Variants in ZNF821 observed in about 807,000 individuals in gnomAD.
The protein encoded by ZNF821 is zinc finger protein 821.
In ZNF821, 16 loss-of-function variants were observed where a neutral mutation model predicts 44.3. The observed-to-expected ratio is 0.36, with a 90% confidence interval of 0.24 to 0.55. The LOEUF is 0.55. Ranked by LOEUF, ZNF821 falls within the 20% of genes least tolerant of loss-of-function variation. The pLI is 0.86. For synonymous variants in ZNF821, 204 were observed against 197.6 expected (o/e 1.03, Z -0.27); for missense variants, 436 against 547.6 (o/e 0.80, Z 2.03).
intron 2 of ZNF821, 111 bp from the exon 3 acceptor site, chr16:71,880,134 G>C (rs1211025502): frequency 2.1e-6 from 1 of 469,700 alleles, no homozygotes; most frequent in Non-Finnish European, 3.8e-6. Flanking sequence ...AAACTCACCA[G>C]TTATAAATAA....
intron 3 of ZNF821, among the ~76,000 whole-genome samples, chr16:71,869,888 C>T (rs927960750): frequency 1.4e-4 from 22 of 152,284 alleles, no homozygotes; most frequent in Admixed American, 6.5e-5. Context: ...CCCCCTACCT[C>T]GACCTCCTAA....
exon 1 of ZNF821, chr16:71,895,060 G>C (rs1417879767): frequency 6.5e-6 from 3 of 461,300 alleles, no homozygotes; most frequent in Non-Finnish European, 1.2e-5. Context: ...TGAAGAGTCA[G>C]GGATACGCAG....
At chr16:71,880,061 T>C (rs1226183817) in intron 2 of ZNF821, 38 bp from the exon 3 acceptor site, 2 of 950,934 alleles carry the variant, frequency 2.1e-6, no homozygotes, top group East Asian at 5.5e-5. Context: ...CATGTCATTT[T>C]CCCCAGCAGT....
At chr16:71,862,450 A>G (rs1392450467) in intron 6 of ZNF821, among the ~76,000 whole-genome samples, 2 of 152,076 alleles carry the variant, frequency 1.3e-5, no homozygotes, top group East Asian at 3.9e-4. Context: ...ACTCCAGCCT[A>G]GGTAATACAG....
chr16:71,892,408 A>T (rs1192595286), intron 1 of ZNF821, among the ~76,000 whole-genome samples: 1 of 148,766 alleles, frequency 6.7e-6, no homozygotes. Flanking sequence ...CTGGGACTAC[A>T]GGCGCCCGCC....
At chr16:71,874,882 T>C (rs908356452) in intron 3 of ZNF821, among the ~76,000 whole-genome samples, 1 of 152,248 alleles carries the variant, frequency 6.6e-6, no homozygotes, top group African/African-American at 2.4e-5. Context: ...CTTGCCACTA[T>C]TGCCATACGC....
At chr16:71,871,226 G>A (rs185260509) in intron 3 of ZNF821, among the ~76,000 whole-genome samples, 11 of 152,230 alleles carry the variant, frequency 7.2e-5, no homozygotes, top group Admixed American at 6.5e-4. Context: ...AGTTAATTCT[G>A]TCATTCCTTT....
At chr16:71,893,064 C>G (rs894053745) in intron 1 of ZNF821, among the ~76,000 whole-genome samples, 3 of 94,906 alleles carry the variant, frequency 3.2e-5, no homozygotes, top group Non-Finnish European at 3.9e-5. Flanking sequence ...TAGTCTGGCT[C>G]TGTCACCCAG....
chr16:71,879,327 T>C (rs1302618566), intron 3 of ZNF821, among the ~76,000 whole-genome samples: 2 of 152,168 alleles, frequency 1.3e-5, no homozygotes, highest in Non-Finnish European at 2.9e-5. Context: ...TCCCTGCCTC[T>C]TGTTTTTTAA....
intron 3 of ZNF821, among the ~76,000 whole-genome samples, chr16:71,876,959 T>C (rs994554214): frequency 1.6e-4 from 25 of 152,162 alleles, no homozygotes; most frequent in African/African-American, 6.0e-4. Flanking sequence ...CCCACTGCAT[T>C]TTGCTGTTTT....
At chr16:71,868,085 TC>T in intron 3 of ZNF821, 48 bp from the exon 4 acceptor site, 1 of 1,517,906 alleles carries the variant, frequency 6.6e-7, no homozygotes. Flanking sequence ...GGGCAGCATA[TC>T]CCCAGGCAAG....
At chr16:71,880,053 T>C in intron 2 of ZNF821, 30 bp from the exon 3 acceptor site, 2 of 1,076,386 alleles carry the variant, frequency 1.9e-6, no homozygotes, top group Non-Finnish European at 2.7e-6. Context: ...TGTTAGCACA[T>C]GTCATTTTCC....
chr16:71,888,542 T>C (rs1392354554), upstream of ZNF821, among the ~76,000 whole-genome samples: 3 of 152,220 alleles, frequency 2.0e-5, no homozygotes, highest in African/African-American at 7.2e-5. Context: ...CTTTCCCCCT[T>C]TGAATTGTCT....
intron 3 of ZNF821, among the ~76,000 whole-genome samples, chr16:71,879,373 C>T (rs564807143): frequency 1.3e-5 from 2 of 152,192 alleles, no homozygotes; most frequent in South Asian, 4.2e-4. Context: ...CCCTCTAAGG[C>T]CCAGTTCAGG....
At position 71,859,991 on chromosome 16, in the gene ZNF821, G is replaced by A; in HGVS notation, c.*27C>T. The A allele has an allele frequency of 6.5e-7, 1 of 1,538,938 alleles. No individual in the cohort carries two copies. The highest frequency in any genetic ancestry group is 1.9e-5 in the Admixed American group (1 of 53,122). On this transcript the variant is annotated 3_prime_UTR_variant, in exon 8 of 8. Coordinates refer to ENST00000425432, the MANE Select transcript of ZNF821 (RefSeq NM_001201552.2). ...TGTGGGTGGGTGGGTAGGTAGGTGGGAAGGAGGGCAGGCAGGAGGGTGTGG... is the reference window on the plus strand; with the variant it reads ...TGTGGGTGGGTGGGTAGGTAGGTGGAAAGGAGGGCAGGCAGGAGGGTGTGG...
chr16:71,865,318 C>A (rs1448359478), intron 4 of ZNF821, among the ~76,000 whole-genome samples: 1 of 152,100 alleles, frequency 6.6e-6, no homozygotes, highest in East Asian at 1.9e-4. Flanking sequence ...AATAATCTTT[C>A]TGACTCATGG....
chr16:71,894,491 C>A (rs2142506709), intron 1 of ZNF821: 1 of 206,902 alleles, frequency 4.8e-6, no homozygotes, highest in African/African-American at 2.3e-5. Flanking sequence ...GGTGATACAC[C>A]TGCCTCGGCC....
chr16:71,880,070 G>A, intron 2 of ZNF821, 47 bp from the exon 3 acceptor site: 2 of 864,518 alleles, frequency 2.3e-6, no homozygotes, highest in Non-Finnish European at 1.7e-6. Flanking sequence ...TTCCCCAGCA[G>A]TTACACAAAA....
Position 71,860,153 on chromosome 16 carries a change from G to A in ZNF821, c.1104C>T (p.Gly368=). 1.2e-6 allele frequency: 2 copies of A among 1,614,200 alleles called. No individual in the cohort carries two copies. The highest frequency in any genetic ancestry group is 1.7e-6 in the Non-Finnish European group (2 of 1,180,030). ...KMDMMLRAQF[G]QDPSAMAALA... is the part of the protein sequence containing the mutation. ...AGGCTGCCATGGCAGAAGGGTCCTG[G>A]CCAAACTGAGCTCGCAACATCATGT... Residue 368 remains glycine (G), a synonymous_variant, in exon 8 of 8, where the codon GGC becomes GGT. Transcript: ENST00000425432. This position sits in a 1 kb window ranked among gnomAD's most constrained non-coding sequence, Gnocchi z 7.3.
Sources: allele counts gnomAD v4.1 joint callset (sites outside exome capture counted in the v4.1 genomes callset), GRCh38; gene constraint gnomAD v4.1.1; non-coding constraint Gnocchi (gnomAD v3.1); transcripts MANE v1.5; gene names NCBI Gene and HGNC (gene_info 2026-07-23, HGNC 2026-07-21).